Variants in PIWIL3 observed in about 807,000 individuals in gnomAD.
The protein encoded by PIWIL3 is piwi-like protein 3.
A neutral mutation model predicts 109.7 loss-of-function variants in PIWIL3; 101 were observed. The ratio of observed to expected loss-of-function variants is 0.92; its 90% confidence interval spans 0.78 to 1.09. The LOEUF (loss-of-function observed/expected upper bound fraction) is 1.09. Ranked by LOEUF, PIWIL3 falls within the 50% of genes least tolerant of loss-of-function variation. PIWIL3 has a pLI of 0.00. For missense variants in PIWIL3, 1,031 were observed against 1,072.6 expected, an observed-to-expected ratio of 0.96 and a Z score of 0.54; for synonymous variants, 373 against 376.4, an observed-to-expected ratio of 0.99 and a Z score of 0.10.
At chr22:24,766,843 C>T (rs1925825538) in intron 1 of PIWIL3, among the ~76,000 whole-genome samples, 1 of 151,826 alleles carries the variant, frequency 6.6e-6, no homozygotes, top group Non-Finnish European at 1.5e-5. Context: ...CAGTTGTGCA[C>T]TGTTGGCCAG....
chr22:24,729,216 T>C (rs1175050314), intron 14 of PIWIL3, among the ~76,000 whole-genome samples: 1 of 152,126 alleles, frequency 6.6e-6, no homozygotes, highest in Non-Finnish European at 1.5e-5. Context: ...TGTGTTTAAC[T>C]GTAAAATGGC....
intron 14 of PIWIL3, among the ~76,000 whole-genome samples, chr22:24,729,344 G>A (rs1158996770): frequency 2.0e-5 from 3 of 152,164 alleles, no homozygotes; most frequent in South Asian, 2.1e-4. Context: ...GGATAACACC[G>A]CAGACGACGA....
At chr22:24,757,671 C>CACACATATATATAAAATATGTATATATT (rs1569109501) in intron 4 of PIWIL3, among the ~76,000 whole-genome samples, 70 of 128,446 alleles carry the variant, frequency 5.4e-4, no homozygotes, top group South Asian at 4.4e-3. Flanking sequence ...CACACACACA[C>CACACATATATATAAAATATGTATATATT]ACACACACAC....
Position 24,757,971 on chromosome 22 carries a change from C to A in PIWIL3, c.292G>T (p.Val98Phe). 1 of 1,613,892 alleles carries A rather than the reference C, an allele frequency of 6.2e-7. No individual in the cohort carries two copies. The highest frequency in any genetic ancestry group is 8.5e-7 in the Non-Finnish European group (1 of 1,179,902). ...APLQERRIGG[V>F]FQDLVVNTRQ... ...GTGTTCACCACCAGGTCTTGAAAAA[C>A]TCCACCAATCCTTCTCTCCTGCAAG... is the stretch of plus-strand genomic sequence containing the variant. The change falls in exon 4 of 21, where the codon GTT becomes TTT. Residue 98 changes from valine (V) to phenylalanine (F), a missense_variant. Val to Phe is a conservative substitution (Grantham distance 50). Transcript: ENST00000616349.
intron 1 of PIWIL3, among the ~76,000 whole-genome samples, chr22:24,765,784 C>CAAA (rs71189279): frequency 1.4e-5 from 2 of 138,552 alleles, no homozygotes; most frequent in African/African-American, 5.4e-5. Flanking sequence ...GTATTTGGTC[C>CAAA]AAAAAAAAAA....
chr22:24,771,320 G>GA, intron 1 of PIWIL3, among the ~76,000 whole-genome samples: 1 of 151,006 alleles, frequency 6.6e-6, no homozygotes, highest in African/African-American at 2.4e-5. Flanking sequence ...AATAGAAAAA[G>GA]AAAAAAAGTT....
At position 24,754,934 on chromosome 22, in the gene PIWIL3, A is replaced by AG. The variant is rs1924933555; in HGVS notation, c.693-71dup. The AG allele has an allele frequency of 3.8e-6, 5 of 1,326,934 alleles. No homozygotes were observed. In the South Asian group the frequency reaches 6.0e-5, roughly 16 times the overall value. 82.2% of individuals were successfully genotyped at this position (1,326,934 alleles called of 1,614,324 possible). On this transcript the variant is annotated intron_variant, in intron 6 of 20. Coordinates refer to ENST00000616349, the MANE Select transcript of PIWIL3 (RefSeq NM_001255975.1). ...TATTAAGCATTTGGTAAGACACATA[A>AG]GGGAAAAAAAATCTGTCAATGACTG...
intron 3 of PIWIL3, among the ~76,000 whole-genome samples, chr22:24,758,310 AT>A (rs1252916796): frequency 6.6e-6 from 1 of 152,138 alleles, no homozygotes; most frequent in Non-Finnish European, 1.5e-5. Flanking sequence ...ATGGTACAAG[AT>A]TCTAGAAACT....
intron 13 of PIWIL3, 69 bp downstream of exon 13, chr22:24,735,639 A>G: frequency 7.1e-7 from 1 of 1,405,040 alleles, no homozygotes; most frequent in Non-Finnish European, 9.6e-7. Context: ...CTACAATTTA[A>G]TATTTTAGTT....
intron 19 of PIWIL3, 46 bp from the exon 20 acceptor site, chr22:24,719,941 G>A (rs372720948): frequency 1.2e-5 from 17 of 1,475,286 alleles, no homozygotes; most frequent in East Asian, 4.6e-5. Flanking sequence ...TAGAAAGAGG[G>A]TATATAGTAA....
chr22:24,761,049 G>A (rs1463363621), intron 2 of PIWIL3, among the ~76,000 whole-genome samples: 4 of 152,110 alleles, frequency 2.6e-5, no homozygotes. Flanking sequence ...CTGAGCAAAT[G>A]GAAGAATGGA....
At position 24,726,344 on chromosome 22, in the gene PIWIL3, G is replaced by A. The variant is rs904495524; in HGVS notation, c.2010-829C>T. ...GTCACCCAGGCTGGAGTGCAGTGGC[G>A]TGATCTTGGCTCACTGCAAGCTCCA... On this transcript the variant is annotated intron_variant, in intron 16 of 20. Coordinates refer to ENST00000616349, the MANE Select transcript of PIWIL3 (RefSeq NM_001255975.1). Among the ~76,000 whole-genome samples, 7 of 150,750 alleles carry A rather than the reference G, an allele frequency of 4.6e-5. No homozygotes were observed. The South Asian group carries it at 6.3e-4, about 13-fold the overall frequency.
At chr22:24,761,706 A>G (rs1290558089) in intron 2 of PIWIL3, among the ~76,000 whole-genome samples, 1 of 151,782 alleles carries the variant, frequency 6.6e-6, no homozygotes, top group African/African-American at 2.4e-5. Flanking sequence ...TCAGATGCTC[A>G]TGAGTGAGGG....
chr22:24,773,572 A>C, intron 1 of PIWIL3, among the ~76,000 whole-genome samples: 1 of 152,192 alleles, frequency 6.6e-6, no homozygotes, highest in East Asian at 1.9e-4. Flanking sequence ...ACATATTGAT[A>C]GAAATTCCGC....
chr22:24,744,202 A>AAAAAAAAAAAAAAAAAC, intron 12 of PIWIL3, among the ~76,000 whole-genome samples: 1 of 149,042 alleles, frequency 6.7e-6, no homozygotes, highest in Non-Finnish European at 1.5e-5. Flanking sequence ...AAAAAAAAAA[A>AAAAAAAAAAAAAAAAAC]AAAAACAATG....
chr22:24,754,000 A>C lies in PIWIL3; in HGVS notation c.977+14T>G. 3 of 1,580,914 alleles carry C rather than the reference A, an allele frequency of 1.9e-6. No homozygotes were observed. Among genetic ancestry groups the C allele is most frequent in the Non-Finnish European group, 2.6e-6 (3 of 1,149,988 alleles). On this transcript the variant is annotated intron_variant, in intron 8 of 20. Coordinates refer to ENST00000616349, the MANE Select transcript of PIWIL3 (RefSeq NM_001255975.1). ...GTTAAAGTGATTGGATAGGTTTTTAAAAGACAGACTTACTTTGTCAGAACA... is the reference window on the plus strand; with the variant it reads ...GTTAAAGTGATTGGATAGGTTTTTACAAGACAGACTTACTTTGTCAGAACA...
At chr22:24,745,527 A>G (rs552563001) in intron 12 of PIWIL3, among the ~76,000 whole-genome samples, 15 of 152,278 alleles carry the variant, frequency 9.9e-5, no homozygotes, top group African/African-American at 2.9e-4. Flanking sequence ...AGCCTGGGCA[A>G]CAGAGTGAGA....
chr22:24,744,207 A>AAAAAC (rs1569103685), intron 12 of PIWIL3, among the ~76,000 whole-genome samples: 1 of 135,036 alleles, frequency 7.4e-6, no homozygotes. Flanking sequence ...AAAAAAAAAA[A>AAAAAC]CAATGATCTG....
chr22:24,764,943 C>A (rs1305513343), intron 1 of PIWIL3, among the ~76,000 whole-genome samples: 2 of 152,038 alleles, frequency 1.3e-5, no homozygotes, highest in African/African-American at 4.8e-5. Flanking sequence ...TGCCCTCGTG[C>A]CTGGGGGAGA....
Sources: gnomAD v4.1 joint callset for allele counts (sites outside exome capture counted in the v4.1 genomes callset) on GRCh38, gnomAD v4.1.1 for gene constraint, MANE v1.5 for transcripts, NCBI Gene and HGNC (gene_info 2026-07-23, HGNC 2026-07-21) for gene names.